Variants in SGCZ observed in about 807,000 individuals in gnomAD.
SGCZ encodes sarcoglycan zeta.
SGCZ carries 40 observed loss-of-function variants against 41.3 expected under a neutral mutation model. The observed-to-expected ratio is 0.97, with a 90% CI of 0.75 to 1.26. SGCZ has a LOEUF of 1.26. SGCZ is among the 50% of genes most tolerant of loss of function. The pLI, the probability that SGCZ is intolerant of heterozygous loss-of-function variation, is 0.00. For synonymous variants in SGCZ, 206 were observed against 137.5 expected, an observed-to-expected ratio of 1.50 and a Z score of -3.49; for missense variants, 552 against 369.8, an observed-to-expected ratio of 1.49 and a Z score of -4.04.
At chr8:14,273,731 G>C (rs762177447) in intron 3 of SGCZ, among the ~76,000 whole-genome samples, 5 of 151,970 alleles carry the variant, frequency 3.3e-5, no homozygotes, top group African/African-American at 7.2e-5. Flanking sequence ...ACCAAGAAAA[G>C]AAACACAGGC....
chr8:14,924,747 A>T (rs1799692834), intron 1 of SGCZ, among the ~76,000 whole-genome samples: 1 of 152,188 alleles, frequency 6.6e-6, no homozygotes, highest in Non-Finnish European at 1.5e-5. Flanking sequence ...GTTTGAGGCT[A>T]AAAAACACAA....
chr8:14,263,183 G>C (rs1204493598), intron 3 of SGCZ, among the ~76,000 whole-genome samples: 3 of 152,136 alleles, frequency 2.0e-5, no homozygotes, highest in Non-Finnish European at 2.9e-5. Flanking sequence ...CAAATCGTAA[G>C]TGTAAATAAA....
intron 1 of SGCZ, among the ~76,000 whole-genome samples, chr8:15,131,323 C>T (rs1215739805): frequency 6.6e-6 from 1 of 152,136 alleles, no homozygotes; most frequent in Non-Finnish European, 1.5e-5. Flanking sequence ...TAAGGGGTTT[C>T]CCCTTTCACT....
rs868109300 is a variant in SGCZ at position 14,485,597 on chromosome 8, G to A, written c.234+69135C>T. On this transcript the variant is annotated intron_variant, in intron 2 of 7. Transcript: ENST00000382080. ...ATTAAGGTAGGCCCTGATGGGTCCT[G>A]TGCTTCCAGATTCTCCCTCGGTTTC... is the stretch of plus-strand genomic sequence containing the variant. Among the ~76,000 whole-genome samples, 7 of 152,230 alleles carry A rather than the reference G, an allele frequency of 4.6e-5. 1 individual carries two copies. The Middle Eastern group carries it at 0.017, about 370-fold the overall frequency.
At chr8:15,037,478 G>C (rs536943310) in intron 1 of SGCZ, among the ~76,000 whole-genome samples, 2 of 152,154 alleles carry the variant, frequency 1.3e-5, no homozygotes. Context: ...CACAGCATGA[G>C]AATGGACTAA....
intron 1 of SGCZ, among the ~76,000 whole-genome samples, chr8:14,784,637 G>C (rs1013349059): frequency 3.3e-5 from 5 of 151,716 alleles, no homozygotes; most frequent in African/African-American, 9.7e-5. Flanking sequence ...GATCATGCTT[G>C]TAATCTAAGC....
chr8:14,505,538 A>C (rs1038735645), intron 2 of SGCZ, among the ~76,000 whole-genome samples: 1 of 152,160 alleles, frequency 6.6e-6, no homozygotes, highest in Non-Finnish European at 1.5e-5. Flanking sequence ...CCTATGTCAA[A>C]ATGCAAATCA....
chr8:14,886,229 A>C (rs1380488981), intron 1 of SGCZ, among the ~76,000 whole-genome samples: 2 of 151,730 alleles, frequency 1.3e-5, no homozygotes, highest in Non-Finnish European at 2.9e-5. Flanking sequence ...ACAAATATTT[A>C]TTGAGGGCCT....
chr8:14,849,453 G>C (rs931291330), intron 1 of SGCZ, among the ~76,000 whole-genome samples: 1 of 151,784 alleles, frequency 6.6e-6, no homozygotes, highest in East Asian at 1.9e-4. Context: ...CCATAGAATG[G>C]AATACTACTC....
chr8:14,669,282 C>G (rs911392292), intron 1 of SGCZ, among the ~76,000 whole-genome samples: 2 of 151,544 alleles, frequency 1.3e-5, no homozygotes, highest in Non-Finnish European at 2.9e-5. Context: ...TCGCTTGAGT[C>G]CAGGAGGCCT....
At chr8:14,818,076 C>G (rs1046425382) in intron 1 of SGCZ, among the ~76,000 whole-genome samples, 5 of 152,162 alleles carry the variant, frequency 3.3e-5, no homozygotes, top group African/African-American at 9.7e-5. Context: ...CCTTCTGTGC[C>G]CAGCCCACCC....
At chr8:14,604,397 T>C (rs1361980582) in intron 1 of SGCZ, among the ~76,000 whole-genome samples, 1 of 151,668 alleles carries the variant, frequency 6.6e-6, no homozygotes, top group Admixed American at 6.6e-5. Flanking sequence ...TATAGGAGAA[T>C]GGGGTGACAA....
chr8:14,697,140 C>A (rs1808990910), intron 1 of SGCZ, among the ~76,000 whole-genome samples: 1 of 151,928 alleles, frequency 6.6e-6, no homozygotes, highest in South Asian at 2.1e-4. Flanking sequence ...ACATTATATT[C>A]TAAAAATAAA....
intron 2 of SGCZ, among the ~76,000 whole-genome samples, chr8:14,462,495 T>C (rs1340059548): frequency 6.6e-6 from 1 of 152,158 alleles, no homozygotes; most frequent in Non-Finnish European, 1.5e-5. Flanking sequence ...ATTATAAAAC[T>C]ATGCCTCATT....
At chr8:14,760,246 G>A (rs367803559) in intron 1 of SGCZ, among the ~76,000 whole-genome samples, 42 of 152,222 alleles carry the variant, frequency 2.8e-4, no homozygotes, top group African/African-American at 7.9e-4. Flanking sequence ...TAATCCCTTC[G>A]TAGCCTTTAA....
At chr8:14,674,393 A>C (rs377349048) in intron 1 of SGCZ, among the ~76,000 whole-genome samples, 4 of 152,184 alleles carry the variant, frequency 2.6e-5, no homozygotes, top group African/African-American at 9.7e-5. Context: ...TTTAAGATTA[A>C]ATTTACAAGA....
intron 1 of SGCZ, among the ~76,000 whole-genome samples, chr8:14,559,134 A>G (rs1017178455): frequency 2.6e-5 from 4 of 152,114 alleles, no homozygotes; most frequent in African/African-American, 7.2e-5. Flanking sequence ...AGTCAGAGCA[A>G]TCAGACAAGA....
intron 1 of SGCZ, among the ~76,000 whole-genome samples, chr8:15,217,233 C>T (rs1272952200): frequency 5.3e-5 from 8 of 151,570 alleles, no homozygotes; most frequent in South Asian, 4.2e-4. Flanking sequence ...TTGGCTAACA[C>T]GGTGAAACCC....
chr8:15,157,422 G>A (rs1799365357), intron 1 of SGCZ, among the ~76,000 whole-genome samples: 1 of 146,810 alleles, frequency 6.8e-6, no homozygotes, highest in South Asian at 2.1e-4. Flanking sequence ...GTCTCTTAAG[G>A]GGGAAAAAAA....
Sources: gnomAD v4.1 joint callset for allele counts (sites outside exome capture counted in the v4.1 genomes callset) on GRCh38, gnomAD v4.1.1 for gene constraint, MANE v1.5 for transcripts, NCBI Gene and HGNC (gene_info 2026-07-23, HGNC 2026-07-21) for gene names.